BANF2: variants seen among roughly 807,000 people sequenced by gnomAD.
The protein encoded by BANF2 is barrier-to-autointegration factor-like protein.
Under a neutral mutation model 8.0 loss-of-function variants are expected in BANF2, and 4 were observed. That is an observed-to-expected ratio of 0.50 (90% CI 0.25 to 1.14). The LOEUF (loss-of-function observed/expected upper bound fraction) is 1.14, where lower values mean the gene tolerates loss of function less well. Among genes scored for constraint, BANF2 ranks in the 50% most tolerant of loss-of-function variants. BANF2 has a pLI of 0.16. For missense variants in BANF2, 96 were observed against 107.5 expected (o/e 0.89, Z 0.47); for synonymous variants, 50 against 40.6 (o/e 1.23, Z -0.88).
At chr20:17,717,281 C>T (rs775902743) in intron 1 of BANF2, among the ~76,000 whole-genome samples, 2 of 151,998 alleles carry the variant, frequency 1.3e-5, no homozygotes, top group African/African-American at 2.4e-5. Flanking sequence ...ATGCTCTCCC[C>T]GCTGCTTGTT....
intron 1 of BANF2, among the ~76,000 whole-genome samples, chr20:17,708,435 A>G (rs6075239): frequency 0.3 from 45,113 of 152,070 alleles, 7,290 homozygotes; most frequent in African/African-American, 0.41. Flanking sequence ...TAAAAATTGG[A>G]TACTAGTACA....
At chr20:17,722,410 C>T (rs1156425032) in intron 1 of BANF2, among the ~76,000 whole-genome samples, 4 of 152,290 alleles carry the variant, frequency 2.6e-5, no homozygotes, top group South Asian at 2.1e-4. Flanking sequence ...AAAGGCAGAG[C>T]GGCTCATGAG....
At chr20:17,713,638 A>G (rs923644296) in intron 1 of BANF2, among the ~76,000 whole-genome samples, 4 of 152,100 alleles carry the variant, frequency 2.6e-5, no homozygotes, top group Non-Finnish European at 5.9e-5. Flanking sequence ...GTTTGAGACC[A>G]GCCTGGGCAA....
chr20:17,727,435 G>T (rs1280563072), intron 3 of BANF2, among the ~76,000 whole-genome samples: 1 of 152,212 alleles, frequency 6.6e-6, no homozygotes, highest in Non-Finnish European at 1.5e-5. Flanking sequence ...AGCAGCCGTG[G>T]ATTGTACTGT....
upstream of BANF2, among the ~76,000 whole-genome samples, chr20:17,696,768 A>G (rs2037349186): frequency 6.6e-6 from 1 of 152,210 alleles, no homozygotes; most frequent in African/African-American, 2.4e-5. Context: ...CCATGTTGCT[A>G]AAGAAATGAT....
At chr20:17,731,002 C>T (rs912608168) in intron 3 of BANF2, among the ~76,000 whole-genome samples, 16 of 152,192 alleles carry the variant, frequency 1.1e-4, no homozygotes, top group East Asian at 1.9e-4. Flanking sequence ...TTAAGCCGGG[C>T]GTGGTAGCTC....
chr20:17,699,518 A>T (rs937461459), upstream of BANF2, among the ~76,000 whole-genome samples: 1 of 152,174 alleles, frequency 6.6e-6, no homozygotes, highest in African/African-American at 2.4e-5. Flanking sequence ...AGTAGGGGGA[A>T]AGTCACGGGT....
chr20:17,719,123 C>CT (rs1409021312), intron 1 of BANF2, among the ~76,000 whole-genome samples: 2 of 151,832 alleles, frequency 1.3e-5, no homozygotes, highest in Non-Finnish European at 1.5e-5. Context: ...TGTTGTTGTT[C>CT]TGTTTCGTTT....
rs1355405182 is a variant in BANF2 at position 17,735,562 on chromosome 20, C to T, written c.127-103C>T. 5.8e-6 allele frequency: 8 copies of T among 1,375,216 alleles called. No individual in the cohort carries two copies. The East Asian group carries it at 1.8e-4, about 32-fold the overall frequency. 85.2% of individuals were successfully genotyped at this position (1,375,216 alleles called of 1,614,324 possible). A position where few individuals can be genotyped will look rare whatever the true frequency, so the allele number is the denominator to read the frequency against. ...CCTTGAATCGGCCCTGCTCCCCCTC[C>T]TTTGATTGTCACGTGAGCCCTGGTT... On this transcript the variant is annotated intron_variant, in intron 3 of 3. Coordinates refer to ENST00000246090, the MANE Select transcript of BANF2 (RefSeq NM_178477.5).
At chr20:17,716,723 C>T (rs895191222) in intron 1 of BANF2, among the ~76,000 whole-genome samples, 5 of 151,106 alleles carry the variant, frequency 3.3e-5, no homozygotes, top group African/African-American at 4.9e-5. Context: ...CATCTGTGGT[C>T]CCAGCTACTC....
chr20:17,718,358 C>G (rs1313246613), intron 1 of BANF2, among the ~76,000 whole-genome samples: 1 of 152,158 alleles, frequency 6.6e-6, no homozygotes, highest in Non-Finnish European at 1.5e-5. Context: ...GCGCCCACCA[C>G]CATGCCTGGC....
chr20:17,694,599 C>CTTTTTTTTTTTTT lies in BANF2; in HGVS notation c.18+894_18+895insTTTTTTTTTTTTT, dbSNP rs1256251082. Among the ~76,000 whole-genome samples, 58 of 82,766 alleles carry CTTTTTTTTTTTTT rather than the reference C, an allele frequency of 7.0e-4. 2 individuals are homozygous for CTTTTTTTTTTTTT. The highest frequency in any genetic ancestry group is 1.5e-3 in the East Asian group (3 of 1,968). 54.3% of individuals were successfully genotyped at this position (82,766 alleles called of 152,430 possible). ...AGGGGGCTATTTTTGTTTTTTCTCT[C>CTTTTTTTTTTTTT]TCTTTTTTTTTTTTTTTTTTTTTTT... is the stretch of plus-strand genomic sequence containing the variant. On this transcript the variant is annotated intron_variant, in intron 1 of 2. Transcript: ENST00000545418.
At chr20:17,720,380 A>G (rs2122620078) in intron 1 of BANF2, among the ~76,000 whole-genome samples, 1 of 152,372 alleles carries the variant, frequency 6.6e-6, no homozygotes, top group Non-Finnish European at 1.5e-5. Flanking sequence ...TTGTGTACAT[A>G]CAATAGAATA....
At chr20:17,699,353 A>G (rs6080785), upstream of BANF2, among the ~76,000 whole-genome samples, 15,207 of 152,242 alleles carry the variant, frequency 0.1, 958 homozygotes, top group Middle Eastern at 0.22. Context: ...AATTACCAAC[A>G]ATGGAAAGTA....
intron 1 of BANF2, among the ~76,000 whole-genome samples, chr20:17,720,108 G>T (rs1282368580): frequency 3.3e-5 from 5 of 152,182 alleles, no homozygotes; most frequent in Non-Finnish European, 5.9e-5. Context: ...CGCCCCATGT[G>T]AGGCCTAATG....
At chr20:17,716,454 C>T (rs960289843) in intron 1 of BANF2, among the ~76,000 whole-genome samples, 13 of 152,158 alleles carry the variant, frequency 8.5e-5, no homozygotes, top group Admixed American at 5.9e-4. Context: ...CCACCTCAGC[C>T]GCCCAAGTAT....
intron 2 of BANF2, among the ~76,000 whole-genome samples, chr20:17,724,220 T>A (rs1196758315): frequency 6.6e-6 from 1 of 152,170 alleles, no homozygotes; most frequent in East Asian, 1.9e-4. Flanking sequence ...ATGAAAATAG[T>A]TTTGCTAAGA....
chr20:17,702,332 A>T (rs758839219), intron 1 of BANF2, among the ~76,000 whole-genome samples: 15 of 152,140 alleles, frequency 9.9e-5, no homozygotes, highest in Admixed American at 2.6e-4. Context: ...CCGGCCCCTC[A>T]CTCTGATGGG....
At chr20:17,710,131 C>T (rs2037547594) in intron 1 of BANF2, among the ~76,000 whole-genome samples, 1 of 152,204 alleles carries the variant, frequency 6.6e-6, no homozygotes, top group Non-Finnish European at 1.5e-5. Context: ...TACTTACCCA[C>T]CTACTCACAT....
Sources: allele counts gnomAD v4.1 joint callset (sites outside exome capture counted in the v4.1 genomes callset), GRCh38; gene constraint gnomAD v4.1.1; transcripts MANE v1.5; gene names NCBI Gene and HGNC (gene_info 2026-07-23, HGNC 2026-07-21).